R3HDM2: variants seen among roughly 807,000 people sequenced by gnomAD.
R3HDM2 encodes R3H domain-containing protein 2.
A neutral mutation model predicts 124.5 loss-of-function variants in R3HDM2; 38 were observed. That is an observed-to-expected ratio of 0.31 (90% CI 0.24 to 0.40). The LOEUF (loss-of-function observed/expected upper bound fraction) is 0.40, where lower values mean the gene tolerates loss of function less well. Among genes scored for constraint, R3HDM2 ranks in the 10% least tolerant of loss-of-function variants. The pLI, the probability that R3HDM2 is intolerant of heterozygous loss-of-function variation, is 1.00. For synonymous variants in R3HDM2, 391 were observed against 448.0 expected, an observed-to-expected ratio of 0.87 and a Z score of 1.61; for missense variants, 869 against 1,236.9, an observed-to-expected ratio of 0.70 and a Z score of 4.46.
At chr12:57,421,450 CTTTTTTT>C (rs71084752) in intron 1 of R3HDM2, among the ~76,000 whole-genome samples, 4 of 111,080 alleles carry the variant, frequency 3.6e-5, no homozygotes, top group African/African-American at 1.4e-4. Context: ...ACACCCAGCT[CTTTTTTT>C]TTTTTTTTTT....
intron 2 of R3HDM2, among the ~76,000 whole-genome samples, chr12:57,363,989 T>C (rs528419589): frequency 4.6e-5 from 7 of 152,268 alleles, no homozygotes; most frequent in Middle Eastern, 3.4e-3. Flanking sequence ...TTTCGCTGCA[T>C]ATAAAATTTT....
At chr12:57,379,578 C>CT in intron 2 of R3HDM2, among the ~76,000 whole-genome samples, 1 of 150,974 alleles carries the variant, frequency 6.6e-6, no homozygotes, top group Non-Finnish European at 1.5e-5. Flanking sequence ...GAAAATCCGT[C>CT]TCAAAAAAAA....
intron 2 of R3HDM2, among the ~76,000 whole-genome samples, chr12:57,377,078 C>CTACATAAATAAA (rs2064158732): frequency 7.8e-6 from 1 of 128,030 alleles, no homozygotes; most frequent in Non-Finnish European, 1.6e-5. Flanking sequence ...TGGGTCCACG[C>CTACATAAATAAA]TAAATAAATA....
At chr12:57,406,612 T>C (rs1333996990) in intron 1 of R3HDM2, among the ~76,000 whole-genome samples, 1 of 152,136 alleles carries the variant, frequency 6.6e-6, no homozygotes, top group African/African-American at 2.4e-5. Flanking sequence ...AATTTGAGTA[T>C]CACCATTTAT....
chr12:57,278,733 A>C (rs1236066466), intron 14 of R3HDM2, among the ~76,000 whole-genome samples: 1 of 152,210 alleles, frequency 6.6e-6, no homozygotes, highest in Non-Finnish European at 1.5e-5. Context: ...GACTATAGAA[A>C]GAACTGACTT....
At chr12:57,292,223 G>T (rs1285238713) in intron 11 of R3HDM2, among the ~76,000 whole-genome samples, 1 of 152,176 alleles carries the variant, frequency 6.6e-6, no homozygotes, top group Admixed American at 6.6e-5. Flanking sequence ...ATGGATAGAG[G>T]GAGTGAAAGA....
chr12:57,319,014 G>C (rs1313338501), intron 2 of R3HDM2, among the ~76,000 whole-genome samples: 1 of 152,130 alleles, frequency 6.6e-6, no homozygotes, highest in Non-Finnish European at 1.5e-5. Flanking sequence ...AAACCAGAAA[G>C]GAAAGTCTAC....
chr12:57,300,047 A>C (rs2050775480), intron 5 of R3HDM2, 48 bp downstream of exon 5: 1 of 1,409,552 alleles, frequency 7.1e-7, no homozygotes, highest in South Asian at 1.2e-5. Context: ...CATCTTACCA[A>C]ACAACTGCCA....
chr12:57,350,125 G>T (rs997850930), intron 2 of R3HDM2, among the ~76,000 whole-genome samples: 1 of 152,000 alleles, frequency 6.6e-6, no homozygotes. Context: ...CAGGAGAATC[G>T]CTTGAACCCG....
chr12:57,320,261 CAAAA>C (rs56207989), intron 2 of R3HDM2, among the ~76,000 whole-genome samples: 231 of 14,272 alleles, frequency 0.016, 6 homozygotes, highest in East Asian at 0.066. Flanking sequence ...AACTCTATCT[CAAAA>C]AAAAAAAAAA....
chr12:57,344,888 G>A (rs1367847909), intron 2 of R3HDM2, among the ~76,000 whole-genome samples: 2 of 151,794 alleles, frequency 1.3e-5, no homozygotes, highest in African/African-American at 4.8e-5. Flanking sequence ...GTGCAATGGT[G>A]CAATCTCAGC....
At chr12:57,269,247 T>C in intron 16 of R3HDM2, 76 bp downstream of exon 16, 2 of 1,578,112 alleles carry the variant, frequency 1.3e-6, no homozygotes, top group Non-Finnish European at 1.7e-6. Context: ...TTCATTTTAA[T>C]GGAGAAGGTA....
intron 2 of R3HDM2, among the ~76,000 whole-genome samples, chr12:57,374,874 T>C (rs1256081407): frequency 6.7e-6 from 1 of 149,622 alleles, no homozygotes; most frequent in African/African-American, 2.5e-5. Flanking sequence ...CGGGCGCCTG[T>C]AGTCCCAGCT....
intron 2 of R3HDM2, among the ~76,000 whole-genome samples, chr12:57,330,024 A>T (rs2136553661): frequency 6.6e-6 from 1 of 152,130 alleles, no homozygotes; most frequent in Non-Finnish European, 1.5e-5. Context: ...CCCAGGCTGG[A>T]GGTGCGATCT....
At chr12:57,418,598 G>C (rs1004767910) in intron 1 of R3HDM2, among the ~76,000 whole-genome samples, 1 of 147,462 alleles carries the variant, frequency 6.8e-6, no homozygotes, top group African/African-American at 2.5e-5. Context: ...AGTCTCTGTC[G>C]TCCAGGCTGG....
rs142251653 is a variant in R3HDM2, at chr12:57,254,840, C to T, written c.2906G>A (p.Arg969His). ...CTTTTTGGCCATTCGAAGTTTGAAG[C>T]GACTCACGGAGTTGTTGAGACGAAG... Reference protein sequence around the residue: ...ASLRLNNSVSRFKLRMAKKNY... With the variant: ...ASLRLNNSVSHFKLRMAKKNY... The change falls in exon 24 of 24, where the codon CGC (arginine) becomes CAC (histidine). Residue 969 changes from arginine (R) to histidine (H), a missense_variant. Around this residue, in one of 2 missense-constraint regions of R3HDM2, gnomAD observed 602 missense variants for 789.2 expected, o/e 0.76. Coordinates refer to ENST00000402412, the MANE Select transcript of R3HDM2 (RefSeq NM_001394031.1). 4.0e-5 allele frequency: 65 copies of T among 1,611,756 alleles called. No individual in the cohort carries two copies. The highest frequency in any genetic ancestry group is 1.9e-4 in the South Asian group (17 of 90,830).
At chr12:57,419,181 T>C (rs1050620004) in intron 1 of R3HDM2, among the ~76,000 whole-genome samples, 5 of 150,750 alleles carry the variant, frequency 3.3e-5, no homozygotes, top group Non-Finnish European at 7.4e-5. Flanking sequence ...TCTTGCTCTG[T>C]CACCCAAGCT....
rs995236269 is a variant in R3HDM2, at chr12:57,310,528, C to T, written c.-35-65G>A. Reference sequence around the variant, plus strand: ...CCATACTTAACAAATACACAAGACTCGTATTTCACACGGGTACATTTTTTC... The same window carrying T: ...CCATACTTAACAAATACACAAGACTTGTATTTCACACGGGTACATTTTTTC... On this transcript the variant is annotated intron_variant, in intron 2 of 23. Coordinates refer to ENST00000402412, the MANE Select transcript of R3HDM2 (RefSeq NM_001394031.1). The T allele has an allele frequency of 2.0e-5, 17 of 849,442 alleles. No individual in the cohort carries two copies. The South Asian group carries it at 5.8e-4, about 29-fold the overall frequency. 52.6% of individuals were successfully genotyped at this position (849,442 alleles called of 1,614,324 possible). A position where few individuals can be genotyped will look rare whatever the true frequency, so the allele number is the denominator to read the frequency against.
chr12:57,270,053 T>C, intron 14 of R3HDM2, 59 bp from the exon 15 acceptor site: 1 of 1,588,400 alleles, frequency 6.3e-7, no homozygotes, highest in East Asian at 2.2e-5. Flanking sequence ...GTCTTTGGCT[T>C]CAACATAGAC....
Sources: gnomAD v4.1 joint callset for allele counts (sites outside exome capture counted in the v4.1 genomes callset) on GRCh38, gnomAD v4.1.1 for gene constraint, gnomAD v4.1.1 regional missense constraint, MANE v1.5 for transcripts, NCBI Gene and HGNC (gene_info 2026-07-23, HGNC 2026-07-21) for gene names.